Variants in VAMP3 observed in about 807,000 individuals in gnomAD.
VAMP3 encodes vesicle associated membrane protein 3, also known as vesicle-associated membrane protein 3.
VAMP3 carries 11 observed loss-of-function variants against 18.1 expected under a neutral mutation model. The ratio of observed to expected loss-of-function variants is 0.61; its 90% confidence interval spans 0.38 to 1.00. VAMP3 has a LOEUF of 1.00. Ranked by LOEUF, VAMP3 falls within the 50% of genes least tolerant of loss-of-function variation. The pLI, the probability that VAMP3 is intolerant of heterozygous loss-of-function variation, is 0.01. For missense variants in VAMP3, 122 were observed against 127.3 expected (o/e 0.96, Z 0.20); for synonymous variants, 49 against 43.1 (o/e 1.14, Z -0.53).
In VAMP3 at chr1:7,777,331, T is replaced by A; in HGVS notation, c.231+13T>A. On this transcript the variant is annotated intron_variant, in intron 3 of 4. Coordinates refer to ENST00000054666, the MANE Select transcript of VAMP3 (RefSeq NM_004781.4). ...GAAGAATTGCAAGGTAATTATCTTT[T>A]AACTGACCTTTACATTTAACCCCCC... 1 of 1,607,202 alleles carries A rather than the reference T, an allele frequency of 6.2e-7. No homozygotes were observed. Among genetic ancestry groups the A allele is most frequent in the Non-Finnish European group, 8.5e-7 (1 of 1,175,758 alleles).
At position 7,771,307 on chromosome 1, in the gene VAMP3, C is replaced by T. The variant is rs1206481252; in HGVS notation, c.-77C>T. 2.6e-6 allele frequency: 4 copies of T among 1,568,076 alleles called. No homozygotes were observed. The highest frequency in any genetic ancestry group is 1.4e-5 in the African/African-American group (1 of 72,004). On this transcript the variant is annotated 5_prime_UTR_variant, in exon 1 of 5. Transcript: ENST00000054666. ...CCCCGCGCCGCGCCGTCCCACCCAT[C>T]TCCCTGGCCTCCGGTCCCAACTTCG...
chr1:7,772,569 G>A (rs1223071298), intron 1 of VAMP3: 2 of 152,302 alleles, frequency 1.3e-5, no homozygotes, highest in African/African-American at 2.4e-5. Flanking sequence ...GAGAAATAAA[G>A]CCTTTGATGA....
At chr1:7,771,483 G>A (rs899322236) in intron 1 of VAMP3, 98 bp downstream of exon 1, 3 of 1,384,308 alleles carry the variant, frequency 2.2e-6, no homozygotes, top group Non-Finnish European at 2.8e-6. Context: ...CCGCCACTCG[G>A]ACGCAGGCCG....
Position 7,773,524 on chromosome 1 carries a change from A to G in VAMP3, c.72+13A>G, listed in dbSNP as rs1314922282. On this transcript the variant is annotated intron_variant, in intron 2 of 4. Coordinates refer to ENST00000054666, the MANE Select transcript of VAMP3 (RefSeq NM_004781.4). Reference sequence around the variant, plus strand: ...TCAAGTAGATGAGGTATTGCTCTGAAATGTTGGAAATATGAATTTTAAACA... The same window carrying G: ...TCAAGTAGATGAGGTATTGCTCTGAGATGTTGGAAATATGAATTTTAAACA... 6.2e-7 allele frequency: 1 copy of G among 1,609,622 alleles called. No individual in the cohort carries two copies. The highest frequency in any genetic ancestry group is 2.2e-5 in the East Asian group (1 of 44,860).
intron 2 of VAMP3, among the ~76,000 whole-genome samples, chr1:7,775,504 T>C (rs958458365): frequency 6.6e-6 from 1 of 152,034 alleles, no homozygotes; most frequent in African/African-American, 2.4e-5. Context: ...CCCGCCACCT[T>C]GCCCGGCTAA....
rs770261916 is a variant in VAMP3 at position 7,777,256 on chromosome 1, G to A, written c.169G>A (p.Ala57Thr). 85 of 1,613,636 alleles carry A rather than the reference G, an allele frequency of 5.3e-5. No individual in the cohort carries two copies. The highest frequency in any genetic ancestry group is 6.6e-5 in the Non-Finnish European group (78 of 1,179,912). ...DDRADALQAGASQFETSAAKL... is the reference protein window; with the variant it reads ...DDRADALQAGTSQFETSAAKL... ...CCGTGCAGACGCACTGCAGGCAGGCGCTTCTCAATTTGAAACGAGCGCAGC... is the reference window on the plus strand; with the variant it reads ...CCGTGCAGACGCACTGCAGGCAGGCACTTCTCAATTTGAAACGAGCGCAGC... Residue 57 changes from alanine (A) to threonine (T), a missense_variant, in exon 3 of 5, where the codon GCT becomes ACT. Coordinates refer to ENST00000054666, the MANE Select transcript of VAMP3 (RefSeq NM_004781.4).
intron 1 of VAMP3, among the ~76,000 whole-genome samples, chr1:7,772,038 C>T (rs2097051371): frequency 6.6e-6 from 1 of 152,174 alleles, no homozygotes; most frequent in Admixed American, 6.5e-5. Flanking sequence ...GGACCCCCCT[C>T]GAATGTTCCT....
chr1:7,777,436 T>G lies in VAMP3; in HGVS notation c.231+118T>G, dbSNP rs565637269. Reference sequence around the variant, plus strand: ...GGAGGTGGGTTTGACTTCCTCCACATGGAAATGTGGGTCCACTGTGAATCC... The same window carrying G: ...GGAGGTGGGTTTGACTTCCTCCACAGGGAAATGTGGGTCCACTGTGAATCC... On this transcript the variant is annotated intron_variant, in intron 3 of 4. Transcript: ENST00000054666. 1.2e-4 allele frequency: 152 copies of G among 1,301,860 alleles called. 1 individual carries two copies. In the Admixed American group the frequency reaches 1.4e-3, roughly 12 times the overall value. The allele number at this position is 1,301,860 out of a possible 1,614,324, so 80.6% of individuals were successfully genotyped here. A position where few individuals can be genotyped will look rare whatever the true frequency, so the allele number is the denominator to read the frequency against.
chr1:7,771,874 GCT>G (rs949126320), intron 1 of VAMP3, among the ~76,000 whole-genome samples: 1 of 152,236 alleles, frequency 6.6e-6, no homozygotes, highest in Non-Finnish European at 1.5e-5. Flanking sequence ...GTGGGCCTTC[GCT>G]CTCTTAAGCG....
rs1460353483 is a variant in VAMP3 at position 7,781,016 on chromosome 1, C to T, written c.*1371C>T. The T allele has an allele frequency of 6.5e-6, 1 of 152,816 alleles. No individual in the cohort carries two copies. Among genetic ancestry groups the T allele is most frequent in the Non-Finnish European group, 1.5e-5 (1 of 68,044 alleles). 9.5% of individuals were successfully genotyped at this position (152,816 alleles called of 1,614,324 possible). On this transcript the variant is annotated 3_prime_UTR_variant, in exon 5 of 5. Coordinates refer to ENST00000054666, the MANE Select transcript of VAMP3 (RefSeq NM_004781.4). ...GCAAGGAGGCACTGAGGGAGAAAGA[C>T]ACAGACTTTATCGCTCTGTGGCTCA...
intron 4 of VAMP3, among the ~76,000 whole-genome samples, chr1:7,778,609 T>C (rs900144316): frequency 6.6e-6 from 1 of 152,222 alleles, no homozygotes; most frequent in Non-Finnish European, 1.5e-5. Flanking sequence ...ACTTGAGTTT[T>C]GTATAAGTCT....
At chr1:7,777,492 CCA>C (rs2097054867) in intron 3 of VAMP3, among the ~76,000 whole-genome samples, 174 bp downstream of exon 3, 1 of 152,158 alleles carries the variant, frequency 6.6e-6, no homozygotes, top group South Asian at 2.1e-4. Context: ...TTTCCTAGCC[CCA>C]CACTAGGAAT....
In VAMP3 at chr1:7,771,372, G is replaced by T. The variant is rs1315318820; in HGVS notation, c.-12G>T. The T allele has an allele frequency of 6.3e-7, 1 of 1,592,932 alleles. No individual in the cohort carries two copies. Among genetic ancestry groups the T allele is most frequent in the Admixed American group, 1.7e-5 (1 of 59,108 alleles). On this transcript the variant is annotated 5_prime_UTR_variant, in exon 1 of 5. Coordinates refer to ENST00000054666, the MANE Select transcript of VAMP3 (RefSeq NM_004781.4). Reference sequence around the variant, plus strand: ...CTCTCTCGTCGCCGCTGCCGCCGCCGCAGCTGCCAAAATGTGAGTGACGCT... The same window carrying T: ...CTCTCTCGTCGCCGCTGCCGCCGCCTCAGCTGCCAAAATGTGAGTGACGCT...
chr1:7,773,587 C>A, intron 2 of VAMP3, 76 bp downstream of exon 2: 1 of 1,390,450 alleles, frequency 7.2e-7, no homozygotes, highest in Admixed American at 1.9e-5. Context: ...GAAAAAGTAT[C>A]ATCAAAGTGT....
chr1:7,778,021 T>G (rs1373715622), intron 3 of VAMP3, 97 bp from the exon 4 acceptor site: 33 of 1,353,996 alleles, frequency 2.4e-5, no homozygotes, highest in Non-Finnish European at 3.5e-5. Context: ...GCACCTGAAT[T>G]TCCCTTTCAG....
rs1048785 is a variant in VAMP3 at position 7,781,270 on chromosome 1, G to A, written c.*1625G>A. 14,497 of 152,840 alleles carry A rather than the reference G, an allele frequency of 0.095. 876 individuals are homozygous for A. Among genetic ancestry groups the A allele is most frequent in the South Asian group, 0.16 (771 of 4,830 alleles). 9.5% of individuals were successfully genotyped at this position (152,840 alleles called of 1,614,324 possible). A position where few individuals can be genotyped will look rare whatever the true frequency, so the allele number is the denominator to read the frequency against. Reference sequence around the variant, plus strand: ...CACCTTCAGCGCAGGGTCTCTGGCCGGGTCTGACTCAGAAACCTTGGTACT... The same window carrying A: ...CACCTTCAGCGCAGGGTCTCTGGCCAGGTCTGACTCAGAAACCTTGGTACT... On this transcript the variant is annotated 3_prime_UTR_variant, in exon 5 of 5. Transcript: ENST00000054666.
intron 2 of VAMP3, 106 bp downstream of exon 2, chr1:7,773,617 A>G: frequency 9.2e-7 from 1 of 1,086,712 alleles, no homozygotes. Context: ...GCAAATTCTG[A>G]CTGTATCATA....
chr1:7,780,817 CAG>C lies in VAMP3; in HGVS notation c.*1177_*1178del, dbSNP rs930239098. ...GGTCAGGGGTGAATGGCTCTTTTCA[CAG>C]AGAGTAGCCAACCAGAGACCTTTGC... is the stretch of plus-strand genomic sequence containing the variant. On this transcript the variant is annotated 3_prime_UTR_variant, in exon 5 of 5. Transcript: ENST00000054666. The C allele has an allele frequency of 3.9e-5, 6 of 152,346 alleles. No homozygotes were observed. The highest frequency in any genetic ancestry group is 8.8e-5 in the Non-Finnish European group (6 of 68,042). 9.4% of individuals were successfully genotyped at this position (152,346 alleles called of 1,614,324 possible). A position where few individuals can be genotyped will look rare whatever the true frequency, so the allele number is the denominator to read the frequency against.
intron 2 of VAMP3, among the ~76,000 whole-genome samples, chr1:7,775,247 T>C (rs1472690426): frequency 6.6e-6 from 1 of 152,250 alleles, no homozygotes; most frequent in East Asian, 1.9e-4. Flanking sequence ...GAGAGTTTTT[T>C]ATGTATTCTG....
Sources: allele counts gnomAD v4.1 joint callset (sites outside exome capture counted in the v4.1 genomes callset), GRCh38; gene constraint gnomAD v4.1.1; transcripts MANE v1.5; gene names NCBI Gene and HGNC (gene_info 2026-07-23, HGNC 2026-07-21).